The following UGT2A1 variants were observed in gnomAD, a reference collection of about 807,000 sequenced individuals.
UGT2A1 encodes the protein UDP-glucuronosyltransferase 2A1.
In UGT2A1, 61 loss-of-function variants were observed where a neutral mutation model predicts 45.4. The observed-to-expected ratio is 1.34, with a 90% confidence interval of 1.09 to 1.66. UGT2A1 has a LOEUF of 1.66. Ranked by LOEUF, UGT2A1 falls within the 40% of genes most tolerant of loss-of-function variation. The pLI is 0.00. For synonymous variants in UGT2A1, 229 were observed against 196.2 expected, an observed-to-expected ratio of 1.17 and a Z score of -1.40; for missense variants, 649 against 574.3, an observed-to-expected ratio of 1.13 and a Z score of -1.33.
At chr4:69,611,460 T>C (rs534225123) in intron 3 of UGT2A1, among the ~76,000 whole-genome samples, 19 of 151,914 alleles carry the variant, frequency 1.3e-4, no homozygotes, top group African/African-American at 1.7e-4. Context: ...AAAAAACTAA[T>C]AAATGTATGC....
chr4:69,596,131 G>C, intron 4 of UGT2A1: 1 of 1,280,388 alleles, frequency 7.8e-7, no homozygotes, highest in Non-Finnish European at 1.0e-6. Context: ...ACTTACAACT[G>C]TTACTAGTGA....
intron 2 of UGT2A1, among the ~76,000 whole-genome samples, chr4:69,641,281 C>T (rs529414504): frequency 6.6e-6 from 1 of 151,954 alleles, no homozygotes; most frequent in South Asian, 2.1e-4. Context: ...GTATATAACG[C>T]TTTTAATTTG....
Position 69,595,345 on chromosome 4 carries a change from G to C in UGT2A1, c.997-96C>G, listed in dbSNP as rs571295796. On this transcript the variant is annotated intron_variant, in intron 4 of 6. Transcript: ENST00000286604. The stretch of plus-strand genomic sequence containing the variant: ...TAGAAATCATTTAGCCAGCTACTTG[G>C]AAGACGGGAATTACATAAGCAGTAG... 1,189 of 1,402,280 alleles carry C rather than the reference G, an allele frequency of 8.5e-4. 17 individuals carry two copies. In the South Asian group the frequency reaches 0.014, roughly 16 times the overall value. The allele number at this position is 1,402,280 out of a possible 1,614,324, so 86.9% of individuals were successfully genotyped here.
chr4:69,596,290 G>A (rs1326726392), intron 4 of UGT2A1: 1 of 1,606,818 alleles, frequency 6.2e-7, no homozygotes, highest in East Asian at 2.2e-5. Context: ...AATAAGATTG[G>A]CCTTTTCTTC....
At chr4:69,614,433 G>A (rs1278654986) in intron 3 of UGT2A1, among the ~76,000 whole-genome samples, 1 of 143,184 alleles carries the variant, frequency 7.0e-6, no homozygotes, top group African/African-American at 2.7e-5. Flanking sequence ...CCTATCAAAA[G>A]ACCAATAAAA....
intron 3 of UGT2A1, 182 bp from the exon 4 acceptor site, chr4:69,599,576 G>A (rs1719138395): frequency 1.1e-6 from 1 of 870,884 alleles, no homozygotes. Context: ...AAGAAAGGAA[G>A]GAGGAAGGAA....
In UGT2A1 at chr4:69,604,683, G is replaced by A. The variant is rs958505508; in HGVS notation, c.848-5289C>T. On this transcript the variant is annotated intron_variant, in intron 3 of 6. Transcript: ENST00000286604. ...GCTGTATTCAGGAAACCCATCTCAC[G>A]TGAAGAGACACACATAGGCTCAAAA... Among the ~76,000 whole-genome samples the A allele has an allele frequency of 1.2e-4, 16 of 136,588 alleles. 4 individuals are homozygous for A. Among genetic ancestry groups the A allele is most frequent in the African/African-American group, 3.0e-4 (10 of 33,636 alleles). The allele number at this position is 136,588 out of a possible 152,430, so 89.6% of individuals were successfully genotyped here.
chr4:69,597,757 C>T (rs1418165379), intron 4 of UGT2A1, among the ~76,000 whole-genome samples: 2 of 151,776 alleles, frequency 1.3e-5, no homozygotes, highest in Admixed American at 1.3e-4. Context: ...TACACACAAA[C>T]GTACACATCT....
chr4:69,635,316 G>A (rs770748515), intron 3 of UGT2A1, among the ~76,000 whole-genome samples: 8 of 152,072 alleles, frequency 5.3e-5, no homozygotes, highest in African/African-American at 1.4e-4. Flanking sequence ...CTGCTCTCCC[G>A]ATCTACAGTG....
At chr4:69,626,402 A>G (rs1222656733) in intron 3 of UGT2A1, among the ~76,000 whole-genome samples, 1 of 151,654 alleles carries the variant, frequency 6.6e-6, no homozygotes, top group African/African-American at 2.4e-5. Flanking sequence ...GTATGTATAC[A>G]TGAAGTAACT....
At chr4:69,598,473 T>C (rs914101815) in intron 4 of UGT2A1, among the ~76,000 whole-genome samples, 3 of 152,248 alleles carry the variant, frequency 2.0e-5, no homozygotes, top group Admixed American at 6.5e-5. Context: ...TAGCATACAA[T>C]TTCCTTCTCA....
intron 4 of UGT2A1, chr4:69,596,286 A>T (rs1718925652): frequency 6.2e-7 from 1 of 1,608,034 alleles, no homozygotes; most frequent in Non-Finnish European, 8.5e-7. Flanking sequence ...AGGCAATAAG[A>T]TTGGCCTTTT....
At chr4:69,629,027 T>A (rs574331047) in intron 3 of UGT2A1, among the ~76,000 whole-genome samples, 141 of 151,662 alleles carry the variant, frequency 9.3e-4, no homozygotes, top group Non-Finnish European at 1.7e-3. Context: ...GTTATACTCT[T>A]CTCCTGAACT....
At chr4:69,619,984 T>A (rs184190964) in intron 3 of UGT2A1, among the ~76,000 whole-genome samples, 54 of 151,962 alleles carry the variant, frequency 3.6e-4, no homozygotes, top group African/African-American at 1.3e-3. Context: ...GAAACATACC[T>A]CAAAATAATA....
chr4:69,649,212 C>T (rs887942430), intron 1 of UGT2A1, among the ~76,000 whole-genome samples: 2 of 152,102 alleles, frequency 1.3e-5, no homozygotes, highest in Non-Finnish European at 2.9e-5. Flanking sequence ...TGTATGGAAA[C>T]ATCAACTGTT....
In UGT2A1 at chr4:69,589,525, T is replaced by C; in HGVS notation, c.1431A>G (p.Ala477=). The C allele has an allele frequency of 6.2e-7, 1 of 1,614,126 alleles. No homozygotes were observed. Among genetic ancestry groups the C allele is most frequent in the Non-Finnish European group, 8.5e-7 (1 of 1,180,012 alleles). Residue 477 remains alanine, a synonymous_variant, in exon 7 of 7, where the codon GCA becomes GCG. Transcript: ENST00000286604. ...ACTGGAACCAGGTGAGGTCATGGGC[T>C]GCAACCCGAAGGTGCTTGGCTCCTT... is the stretch of plus-strand genomic sequence containing the variant. ...RHKGAKHLRV[A]AHDLTWFQYH...
intron 1 of UGT2A1, among the ~76,000 whole-genome samples, chr4:69,650,002 T>C (rs1422042043): frequency 6.6e-6 from 1 of 152,022 alleles, no homozygotes; most frequent in Non-Finnish European, 1.5e-5. Flanking sequence ...CATATGAAAA[T>C]TAAACACCCC....
intron 3 of UGT2A1, among the ~76,000 whole-genome samples, chr4:69,604,306 C>T (rs1471621990): frequency 7.7e-6 from 1 of 129,124 alleles, no homozygotes; most frequent in Non-Finnish European, 1.6e-5. Context: ...AATTTCATAT[C>T]TAGCCAAACT....
intron 3 of UGT2A1, among the ~76,000 whole-genome samples, chr4:69,607,105 T>C (rs1315015108): frequency 3.6e-5 from 5 of 138,950 alleles, no homozygotes; most frequent in Admixed American, 1.4e-4. Context: ...GAGCCCGCAT[T>C]GCCAAGTCAA....
Sources: allele counts gnomAD v4.1 joint callset (sites outside exome capture counted in the v4.1 genomes callset), GRCh38; gene constraint gnomAD v4.1.1; transcripts MANE v1.5; gene names NCBI Gene and HGNC (gene_info 2026-07-23, HGNC 2026-07-21).